DSG2: variants seen among roughly 807,000 people sequenced by gnomAD.
DSG2 encodes desmoglein-2.
In DSG2, 45 loss-of-function variants were observed where a neutral mutation model predicts 75.6. That is an observed-to-expected ratio of 0.60 (90% CI 0.47 to 0.76). The LOEUF is 0.76. Among genes scored for constraint, DSG2 ranks in the 30% least tolerant of loss-of-function variants. DSG2 has a pLI of 0.00. For synonymous variants in DSG2, 429 were observed against 483.9 expected (o/e 0.89, Z 1.49); for missense variants, 1,267 against 1,357.4 (o/e 0.93, Z 1.05).
In DSG2 at chr18:31,538,748, T is replaced by TA. The variant is rs1432595859; in HGVS notation, c.1652-2dup. ...TATTTCCTTCTGCCTCCCAACCTTGTAGGTACCAGTGTGCTGCTGCAACAA... is the reference window on the plus strand; with the variant it reads ...TATTTCCTTCTGCCTCCCAACCTTGTAAGGTACCAGTGTGCTGCTGCAACAA... On this transcript the variant is annotated splice_polypyrimidine_tract_variant and splice_region_variant and intron_variant, in intron 11 of 14. Coordinates refer to ENST00000261590, the MANE Select transcript of DSG2 (RefSeq NM_001943.5). The TA allele has an allele frequency of 6.2e-7, 1 of 1,613,384 alleles. No homozygotes were observed. Among genetic ancestry groups the TA allele is most frequent in the Non-Finnish European group, 8.5e-7 (1 of 1,179,406 alleles).
At chr18:31,508,455 G>A (rs1263614233) in intron 1 of DSG2, among the ~76,000 whole-genome samples, 3 of 151,632 alleles carry the variant, frequency 2.0e-5, no homozygotes, top group Admixed American at 6.6e-5. Context: ...GTGCAGTGGC[G>A]CCATCTCGGC....
rs1354393617 is a variant in DSG2, at chr18:31,529,592, A to G, written c.1015-1395A>G. Reference sequence around the variant, plus strand: ...GAAGTTGTGATCCATCCAGAGCCCAATAGAGAGGAAAACTGACTGACTTAT... The same window carrying G: ...GAAGTTGTGATCCATCCAGAGCCCAGTAGAGAGGAAAACTGACTGACTTAT... On this transcript the variant is annotated intron_variant, in intron 8 of 14. Transcript: ENST00000261590. Among the ~76,000 whole-genome samples, 4 of 152,316 alleles carry G rather than the reference A, an allele frequency of 2.6e-5. No homozygotes were observed. In the East Asian group the frequency reaches 7.7e-4, roughly 29 times the overall value.
intron 13 of DSG2, chr18:31,542,303 C>T (rs746552270): frequency 4.9e-5 from 30 of 606,148 alleles, no homozygotes; most frequent in Non-Finnish European, 8.2e-5. Context: ...GCTTTGTTTT[C>T]TCTTTGGGTT....
At chr18:31,522,759 A>C (rs1264576965) in intron 6 of DSG2, among the ~76,000 whole-genome samples, 1 of 152,178 alleles carries the variant, frequency 6.6e-6, no homozygotes, top group Non-Finnish European at 1.5e-5. Flanking sequence ...ATGAAACATT[A>C]GGAGGCTCCT....
intron 12 of DSG2, 152 bp from the exon 13 acceptor site, chr18:31,541,041 A>T: frequency 1.1e-6 from 1 of 934,158 alleles, no homozygotes. Context: ...CAAGCTTGGT[A>T]AGGTTGGATC....
chr18:31,539,139 A>G (rs983268746), intron 12 of DSG2, among the ~76,000 whole-genome samples, 161 bp downstream of exon 12: 2 of 152,214 alleles, frequency 1.3e-5, no homozygotes, highest in African/African-American at 4.8e-5. Context: ...GCAAATCACC[A>G]AAGCATAATA....
chr18:31,531,557 A>C (rs1247043354), intron 9 of DSG2, among the ~76,000 whole-genome samples: 3 of 152,266 alleles, frequency 2.0e-5, no homozygotes, highest in African/African-American at 7.2e-5. Context: ...AACTTTTAAA[A>C]ACCTGTCTTA....
intron 6 of DSG2, among the ~76,000 whole-genome samples, chr18:31,523,255 G>C (rs2073140162): frequency 9.9e-5 from 15 of 152,096 alleles, no homozygotes; most frequent in Admixed American, 9.8e-4. Context: ...CAAAAAATTA[G>C]CTGGGTGTGG....
At chr18:31,510,273 A>G (rs952019427) in intron 1 of DSG2, among the ~76,000 whole-genome samples, 1 of 152,244 alleles carries the variant, frequency 6.6e-6, no homozygotes, top group East Asian at 1.9e-4. Context: ...AGTTGAAATA[A>G]TGTTTTAAAC....
At chr18:31,500,433 G>A (rs542913886) in intron 1 of DSG2, among the ~76,000 whole-genome samples, 155 of 152,266 alleles carry the variant, frequency 1.0e-3, no homozygotes, top group Middle Eastern at 6.8e-3. Context: ...CTGCTAGGAT[G>A]CATAACAACA....
At chr18:31,541,597 A>C (rs1427012623) in intron 13 of DSG2, among the ~76,000 whole-genome samples, 1 of 152,196 alleles carries the variant, frequency 6.6e-6, no homozygotes, top group Non-Finnish European at 1.5e-5. Flanking sequence ...CTTTTGTCCT[A>C]ACATTAAATG....
chr18:31,542,304 T>C lies in DSG2; in HGVS notation c.2002-216T>C, dbSNP rs11874168. 3,492 of 608,076 alleles carry C rather than the reference T, an allele frequency of 5.7e-3. 103 individuals carry two copies. The highest frequency in any genetic ancestry group is 0.057 in the African/African-American group (3,091 of 54,154). 37.7% of individuals were successfully genotyped at this position (608,076 alleles called of 1,614,324 possible). A position where few individuals can be genotyped will look rare whatever the true frequency, so the allele number is the denominator to read the frequency against. On this transcript the variant is annotated intron_variant, in intron 13 of 14. Coordinates refer to ENST00000261590, the MANE Select transcript of DSG2 (RefSeq NM_001943.5). ...CTGAGACTGTTTGGGCTTTGTTTTCTCTTTGGGTTCTATCCACCTATAAAA... is the reference window on the plus strand; with the variant it reads ...CTGAGACTGTTTGGGCTTTGTTTTCCCTTTGGGTTCTATCCACCTATAAAA...
In DSG2 at chr18:31,538,782, A is replaced by G; in HGVS notation, c.1683A>G (p.Lys561=). The G allele has an allele frequency of 6.2e-7, 1 of 1,614,200 alleles. No individual in the cohort carries two copies. Among genetic ancestry groups the G allele is most frequent in the South Asian group, 1.1e-5 (1 of 91,082 alleles). Residue 561 remains lysine, a synonymous_variant, in exon 12 of 15, where the codon AAA becomes AAG. Transcript: ENST00000261590. ...STSVLLQQSE[K]KLGRSEIQFL... is the part of the protein sequence containing the mutation. The stretch of plus-strand genomic sequence containing the variant: ...GTGTGCTGCTGCAACAAAGTGAGAA[A>G]AAGCTTGGGAGAAGTGAAATTCAGT...
Position 31,546,696 on chromosome 18 carries a change from TC to T in DSG2, c.3312del (p.Thr1105ProfsTer22), listed in dbSNP as rs1413344418. Reference sequence around the variant, plus strand: ...TTCTAATTCTACCATAACCACATCTTCCACCAGAGTTACCAAGCATAGCACT... The same window carrying T: ...TTCTAATTCTACCATAACCACATCTTCACCAGAGTTACCAAGCATAGCACT... ...GHSNSTITTS[S>X]TRVTKHSTVQ... On this transcript the variant is annotated frameshift_variant, in exon 15 of 15. Transcript: ENST00000261590. LOFTEE classifies it high-confidence loss of function. The T allele has an allele frequency of 6.2e-7, 1 of 1,614,030 alleles. No homozygotes were observed. The highest frequency in any genetic ancestry group is 2.2e-5 in the East Asian group (1 of 44,886).
Position 31,535,947 on chromosome 18 carries a change from T to A in DSG2, c.1424-255T>A, listed in dbSNP as rs2595364. Among the ~76,000 whole-genome samples, 73,215 of 151,926 alleles carry A rather than the reference T, an allele frequency of 0.48. 19,306 individuals are homozygous for A. The highest frequency in any genetic ancestry group is 0.7 in the African/African-American group (28,979 of 41,444). On this transcript the variant is annotated intron_variant, in intron 10 of 14. Transcript: ENST00000261590. ...AAAAAATTGAGGGGTAGATAAAATT[T>A]AAAAATAGATGTCTAAAAAAATTTT...
intron 8 of DSG2, among the ~76,000 whole-genome samples, chr18:31,529,920 G>C (rs1275860933): frequency 6.6e-6 from 1 of 152,090 alleles, no homozygotes; most frequent in Non-Finnish European, 1.5e-5. Flanking sequence ...AATTGTGATA[G>C]CCCAAATGCC....
chr18:31,527,135 A>G (rs1029200796), intron 8 of DSG2, among the ~76,000 whole-genome samples: 10 of 152,318 alleles, frequency 6.6e-5, no homozygotes, highest in African/African-American at 1.2e-4. Context: ...AATCTTTACT[A>G]TCATATTTTT....
rs547276212 is a variant in DSG2, at chr18:31,531,474, G to T, written c.1280+222G>T. 4.1e-4 allele frequency among the ~76,000 whole-genome samples: 62 copies of T among 152,346 alleles called. No individual in the cohort carries two copies. The Middle Eastern group carries it at 0.014, about 33-fold the overall frequency. ...TCAACCACCTGTGTGTGAGGAGGAAGTTAGTTTACTCACCACTGAAACAGT... is the reference window on the plus strand; with the variant it reads ...TCAACCACCTGTGTGTGAGGAGGAATTTAGTTTACTCACCACTGAAACAGT... On this transcript the variant is annotated intron_variant, in intron 9 of 14. Coordinates refer to ENST00000261590, the MANE Select transcript of DSG2 (RefSeq NM_001943.5).
At chr18:31,514,871 G>T (rs2073085612) in intron 1 of DSG2, among the ~76,000 whole-genome samples, 1 of 152,182 alleles carries the variant, frequency 6.6e-6, no homozygotes, top group Non-Finnish European at 1.5e-5. Context: ...CGTTTGACTA[G>T]AGGACTGTAA....
Sources: gnomAD v4.1 joint callset for allele counts (sites outside exome capture counted in the v4.1 genomes callset) on GRCh38, gnomAD v4.1.1 for gene constraint, MANE v1.5 for transcripts, NCBI Gene and HGNC (gene_info 2026-07-23, HGNC 2026-07-21) for gene names.